Variants in CAB39 observed in about 807,000 individuals in gnomAD.
The protein encoded by CAB39 is calcium-binding protein 39.
CAB39 carries 8 observed loss-of-function variants against 40.0 expected under a neutral mutation model. That is an observed-to-expected ratio of 0.20 (90% CI 0.12 to 0.36). The LOEUF is 0.36. Ranked by LOEUF, CAB39 falls within the 10% of genes least tolerant of loss-of-function variation. The probability of loss-of-function intolerance (pLI) is 1.00; values close to 1 mark genes in which losing one functional copy is unlikely to be tolerated. For synonymous variants in CAB39, 156 were observed against 141.6 expected (o/e 1.10, Z -0.72); for missense variants, 270 against 401.1 (o/e 0.67, Z 2.79).
intron 5 of CAB39, among the ~76,000 whole-genome samples, chr2:230,807,587 A>C (rs1177871607): frequency 6.6e-6 from 1 of 152,126 alleles, no homozygotes; most frequent in African/African-American, 2.4e-5. Context: ...GAGTTTCCAG[A>C]TGGTAACACA....
chr2:230,795,410 T>G (rs1456173561), intron 4 of CAB39, among the ~76,000 whole-genome samples: 1 of 152,182 alleles, frequency 6.6e-6, no homozygotes, highest in Non-Finnish European at 1.5e-5. Context: ...TGTAGAAAAA[T>G]CATATATTTT....
At position 230,814,111 on chromosome 2, in the gene CAB39, GA is replaced by G; in HGVS notation, c.692del (p.Lys231SerfsTer8). 1.4e-6 allele frequency: 2 copies of G among 1,449,728 alleles called. No homozygotes were observed. The highest frequency in any genetic ancestry group is 1.9e-6 in the Non-Finnish European group (2 of 1,053,376). 89.8% of individuals were successfully genotyped at this position (1,449,728 alleles called of 1,614,324 possible). ...ATTATGTGACAAAAAGACAGTCACTGAAGGTATGACAGACCATTTTGTATAG... is the reference window on the plus strand; with the variant it reads ...ATTATGTGACAAAAAGACAGTCACTGAGGTATGACAGACCATTTTGTATAG... ...ENYVTKRQSL[K>X]LLGELLLDRH... On this transcript the variant is annotated frameshift_variant and splice_region_variant, in exon 7 of 9. Coordinates refer to ENST00000258418, the MANE Select transcript of CAB39 (RefSeq NM_016289.4). LOFTEE classifies it high-confidence loss of function.
chr2:230,800,407 G>A (rs1696068832), intron 5 of CAB39, among the ~76,000 whole-genome samples: 1 of 152,212 alleles, frequency 6.6e-6, no homozygotes, highest in Non-Finnish European at 1.5e-5. Flanking sequence ...AGCCTCAGGT[G>A]AGGACCCAGA....
intron 1 of CAB39, among the ~76,000 whole-genome samples, chr2:230,721,395 C>T (rs1384540216): frequency 1.3e-5 from 2 of 152,100 alleles, no homozygotes; most frequent in Non-Finnish European, 2.9e-5. Context: ...AGTGCCACTG[C>T]GCTCCAGCCT....
At chr2:230,715,201 A>G (rs369072530) in intron 1 of CAB39, among the ~76,000 whole-genome samples, 3 of 152,308 alleles carry the variant, frequency 2.0e-5, no homozygotes, top group East Asian at 3.9e-4. Flanking sequence ...TTACTCAACA[A>G]TGGAAGTCTT....
chr2:230,763,919 C>T (rs1171304367), intron 2 of CAB39, among the ~76,000 whole-genome samples: 2 of 152,016 alleles, frequency 1.3e-5, no homozygotes, highest in African/African-American at 2.4e-5. Flanking sequence ...TTCAGGAGTT[C>T]GAGACTAGCA....
chr2:230,799,667 T>C (rs1253719868), intron 5 of CAB39, among the ~76,000 whole-genome samples: 1 of 152,186 alleles, frequency 6.6e-6, no homozygotes, highest in Admixed American at 6.5e-5. Flanking sequence ...TGCCTAACCT[T>C]ATGAATAAAT....
intron 1 of CAB39, among the ~76,000 whole-genome samples, chr2:230,744,991 T>C (rs965967698): frequency 6.6e-6 from 1 of 152,264 alleles, no homozygotes; most frequent in Non-Finnish European, 1.5e-5. Flanking sequence ...TTACAGCATA[T>C]TTCATAAACA....
At chr2:230,766,734 G>A (rs1264138027) in intron 2 of CAB39, among the ~76,000 whole-genome samples, 1 of 152,174 alleles carries the variant, frequency 6.6e-6, no homozygotes, top group East Asian at 1.9e-4. Flanking sequence ...TCACAATGTT[G>A]CCCAGGCTGG....
intron 1 of CAB39, among the ~76,000 whole-genome samples, chr2:230,731,276 C>G (rs1018844481): frequency 2.0e-5 from 3 of 152,272 alleles, no homozygotes; most frequent in Non-Finnish European, 4.4e-5. Context: ...CATTGAGATG[C>G]ATAAGGCAAG....
At chr2:230,744,636 T>G (rs1461820804) in intron 1 of CAB39, among the ~76,000 whole-genome samples, 1 of 152,262 alleles carries the variant, frequency 6.6e-6, no homozygotes, top group Non-Finnish European at 1.5e-5. Flanking sequence ...GTTTAGATGT[T>G]ACAGTGGTTG....
At chr2:230,740,665 A>G (rs367910913) in intron 1 of CAB39, among the ~76,000 whole-genome samples, 1 of 152,118 alleles carries the variant, frequency 6.6e-6, no homozygotes. Flanking sequence ...CCTCGAATGC[A>G]CAGTTCGCAA....
chr2:230,812,165 G>C (rs998041267), intron 6 of CAB39, among the ~76,000 whole-genome samples: 1 of 152,162 alleles, frequency 6.6e-6, no homozygotes, highest in African/African-American at 2.4e-5. Flanking sequence ...ATTCATGCTG[G>C]CTGCTCAAAA....
chr2:230,728,273 C>T (rs1356375174), intron 1 of CAB39, among the ~76,000 whole-genome samples: 4 of 151,240 alleles, frequency 2.6e-5, no homozygotes, highest in Non-Finnish European at 4.4e-5. Context: ...TAAAAACTAG[C>T]CTAAACTCTT....
intron 7 of CAB39, among the ~76,000 whole-genome samples, chr2:230,816,680 GC>G (rs1420555090): frequency 6.6e-6 from 1 of 152,190 alleles, no homozygotes; most frequent in African/African-American, 2.4e-5. Context: ...TCTTCCCTTA[GC>G]CCTCACTCAC....
At chr2:230,796,063 C>T (rs919587198) in intron 4 of CAB39, among the ~76,000 whole-genome samples, 17 of 152,302 alleles carry the variant, frequency 1.1e-4, no homozygotes, top group African/African-American at 3.8e-4. Flanking sequence ...GGCAAGACCC[C>T]ATCAGTCTGT....
chr2:230,738,593 T>A (rs1412519452), intron 1 of CAB39, among the ~76,000 whole-genome samples: 2 of 152,236 alleles, frequency 1.3e-5, no homozygotes, highest in Admixed American at 6.5e-5. Flanking sequence ...TCTACAGGGC[T>A]GTGTACTTGT....
At chr2:230,803,520 C>G (rs1696130762) in intron 5 of CAB39, among the ~76,000 whole-genome samples, 1 of 152,200 alleles carries the variant, frequency 6.6e-6, no homozygotes, top group Admixed American at 6.5e-5. Flanking sequence ...TCATCTCAGC[C>G]CAAAATCTCC....
At chr2:230,817,539 C>A (rs867345497) in intron 7 of CAB39, among the ~76,000 whole-genome samples, 1 of 152,072 alleles carries the variant, frequency 6.6e-6, no homozygotes, top group East Asian at 1.9e-4. Flanking sequence ...GTCAGGCCTC[C>A]CGTAGACTTC....
Sources: allele counts gnomAD v4.1 joint callset (sites outside exome capture counted in the v4.1 genomes callset), GRCh38; gene constraint gnomAD v4.1.1; transcripts MANE v1.5; gene names NCBI Gene and HGNC (gene_info 2026-07-23, HGNC 2026-07-21).